RRP12: variants seen among roughly 807,000 people sequenced by gnomAD.
RRP12 encodes ribosomal RNA processing 12 homolog, also known as RRP12-like protein.
A neutral mutation model predicts 157.3 loss-of-function variants in RRP12; 78 were observed. The ratio of observed to expected loss-of-function variants is 0.50; its 90% confidence interval spans 0.41 to 0.60. The LOEUF is 0.60. Ranked by LOEUF, RRP12 falls within the 20% of genes least tolerant of loss-of-function variation. The pLI is 0.00. For synonymous variants in RRP12, 726 were observed against 670.9 expected, an observed-to-expected ratio of 1.08 and a Z score of -1.27; for missense variants, 1,521 against 1,679.9, an observed-to-expected ratio of 0.91 and a Z score of 1.65.
rs752574216 is a variant in RRP12, at chr10:97,371,109, C to T, written c.2344-28G>A. Reference sequence around the variant, plus strand: ...GGCAGACAGGAACCGGTGAGGGAGGCCTGGGGCTCACTCCCTGTCCAATGC... The same window carrying T: ...GGCAGACAGGAACCGGTGAGGGAGGTCTGGGGCTCACTCCCTGTCCAATGC... On this transcript the variant is annotated intron_variant, in intron 20 of 33. Transcript: ENST00000370992. 6 of 1,609,272 alleles carry T rather than the reference C, an allele frequency of 3.7e-6. No individual in the cohort carries two copies. The Admixed American group carries it at 1.0e-4, about 27-fold the overall frequency.
intron 29 of RRP12, among the ~76,000 whole-genome samples, 155 bp from the exon 30 acceptor site, chr10:97,364,058 G>T (rs1227505631): frequency 6.6e-6 from 1 of 152,168 alleles, no homozygotes; most frequent in Non-Finnish European, 1.5e-5. Flanking sequence ...TCTGCTAGAA[G>T]AGATGAGACC....
chr10:97,399,392 G>A (rs2133107014), intron 2 of RRP12, among the ~76,000 whole-genome samples: 1 of 152,184 alleles, frequency 6.6e-6, no homozygotes, highest in Non-Finnish European at 1.5e-5. Flanking sequence ...GACAGAGCTG[G>A]TCCAGGAAGA....
chr10:97,401,145 G>A lies in RRP12; in HGVS notation c.87C>T (p.Ala29=). The A allele has an allele frequency of 6.2e-7, 1 of 1,614,082 alleles. No individual in the cohort carries two copies. The highest frequency in any genetic ancestry group is 8.5e-7 in the Non-Finnish European group (1 of 1,180,018). The change falls in exon 1 of 34, where the codon GCC becomes GCT. Residue 29 remains alanine, a synonymous_variant. Transcript: ENST00000370992. ...KKGHSSDSNP[A]ICRHRQAARS... ...GGGCGGCCTGACGGTGGCGGCAGAT[G>A]GCGGGGTTGCTGTCGCTGCTGTGGC... is the stretch of plus-strand genomic sequence containing the variant.
chr10:97,396,437 T>C (rs1844967687), intron 2 of RRP12, 136 bp from the exon 3 acceptor site: 1 of 695,922 alleles, frequency 1.4e-6, no homozygotes. Context: ...ATTCAGGGCC[T>C]AGGTCCATAC....
chr10:97,391,495 C>T (rs1187055573), intron 4 of RRP12, among the ~76,000 whole-genome samples: 3 of 152,086 alleles, frequency 2.0e-5, no homozygotes, highest in Non-Finnish European at 4.4e-5. Flanking sequence ...CACTTGAACC[C>T]GGGAGGTGGA....
intron 29 of RRP12, among the ~76,000 whole-genome samples, chr10:97,365,299 A>G (rs1589412622): frequency 1.5e-5 from 2 of 133,088 alleles, no homozygotes; most frequent in African/African-American, 2.8e-5. Context: ...TTTGAGACAG[A>G]GTTTCGCTCT....
rs1296325887 is a variant in RRP12, at chr10:97,376,204, TTTAC to T, written c.1799-2314_1799-2311del. Reference sequence around the variant, plus strand: ...TTCTGGGTGGGAAGACTGAATGACTTTTACTTTCTTTTTTTTTTTTTTTTTTTTG... The same window carrying T: ...TTCTGGGTGGGAAGACTGAATGACTTTTTCTTTTTTTTTTTTTTTTTTTTG... On this transcript the variant is annotated intron_variant, in intron 15 of 33. Coordinates refer to ENST00000370992, the MANE Select transcript of RRP12 (RefSeq NM_015179.4). Among the ~76,000 whole-genome samples, 7 of 143,022 alleles carry T rather than the reference TTTAC, an allele frequency of 4.9e-5. No individual in the cohort carries two copies. The East Asian group carries it at 1.4e-3, about 29-fold the overall frequency. 93.8% of individuals were successfully genotyped at this position (143,022 alleles called of 152,430 possible). A position where few individuals can be genotyped will look rare whatever the true frequency, so the allele number is the denominator to read the frequency against.
At chr10:97,366,275 C>T in intron 28 of RRP12, 42 bp from the exon 29 acceptor site, 2 of 1,605,182 alleles carry the variant, frequency 1.2e-6, no homozygotes, top group Non-Finnish European at 8.5e-7. Flanking sequence ...AAGGCCAGTC[C>T]CATGCTACTC....
intron 10 of RRP12, among the ~76,000 whole-genome samples, chr10:97,382,825 G>A (rs6584124): frequency 0.074 from 11,250 of 151,174 alleles, 1,278 homozygotes; most frequent in African/African-American, 0.25. Context: ...ACAGTGGTGC[G>A]ATCTCAGTTT....
intron 8 of RRP12, among the ~76,000 whole-genome samples, chr10:97,386,914 C>T (rs1055620340): frequency 1.3e-5 from 2 of 151,946 alleles, no homozygotes; most frequent in African/African-American, 2.4e-5. Flanking sequence ...GGCGTGAACC[C>T]GGAAGGCGGA....
intron 10 of RRP12, among the ~76,000 whole-genome samples, chr10:97,384,808 G>C (rs1017587321): frequency 1.4e-5 from 2 of 148,146 alleles, no homozygotes; most frequent in African/African-American, 5.0e-5. Context: ...CAGAGGCTCT[G>C]AGAACTCTGC....
intron 10 of RRP12, among the ~76,000 whole-genome samples, chr10:97,384,609 G>C (rs1164321974): frequency 6.6e-6 from 1 of 151,560 alleles, no homozygotes; most frequent in Non-Finnish European, 1.5e-5. Context: ...TCGGCAGCCA[G>C]GACGGAGACC....
chr10:97,367,533 C>A (rs576256963), intron 25 of RRP12, among the ~76,000 whole-genome samples: 2 of 152,194 alleles, frequency 1.3e-5, no homozygotes, highest in Non-Finnish European at 2.9e-5. Flanking sequence ...TCAGCCCAGA[C>A]TCATCTAATG....
chr10:97,388,222 C>G (rs1844692487), intron 8 of RRP12, 30 bp downstream of exon 8: 3 of 1,612,912 alleles, frequency 1.9e-6, no homozygotes, highest in South Asian at 1.1e-5. Flanking sequence ...TGCAGGTCCC[C>G]CTTTCTCCAG....
At chr10:97,379,598 T>C (rs1310328295) in intron 14 of RRP12, 30 bp downstream of exon 14, 1 of 1,611,630 alleles carries the variant, frequency 6.2e-7, no homozygotes, top group Admixed American at 1.7e-5. Flanking sequence ...GCCTGGGGCT[T>C]GTCAGGAAGC....
At chr10:97,370,595 G>A in intron 22 of RRP12, 35 bp from the exon 23 acceptor site, 5 of 1,594,220 alleles carry the variant, frequency 3.1e-6, no homozygotes, top group Non-Finnish European at 3.4e-6. Flanking sequence ...TCTGCTCCCT[G>A]AGCCATCTGC....
chr10:97,362,290 G>A (rs1339994494), intron 30 of RRP12, among the ~76,000 whole-genome samples: 21 of 152,246 alleles, frequency 1.4e-4, no homozygotes, highest in South Asian at 2.1e-4. Context: ...AGCCGTGGTC[G>A]GTTCTCCCCG....
At chr10:97,386,344 T>C (rs948292772) in intron 8 of RRP12, among the ~76,000 whole-genome samples, 1 of 150,500 alleles carries the variant, frequency 6.6e-6, no homozygotes, top group African/African-American at 2.4e-5. Context: ...TGCATGCCAC[T>C]GTGCCTGGCC....
In RRP12 at chr10:97,374,664, C is replaced by T. The variant is rs190106723; in HGVS notation, c.1799-770G>A. Among the ~76,000 whole-genome samples, 349 of 148,804 alleles carry T rather than the reference C, an allele frequency of 2.3e-3. 3 individuals are homozygous for T. In the South Asian group the frequency reaches 0.029, roughly 12 times the overall value. ...GCAGGCACCTGTAGTCCCAGCTACT[C>T]GGGAGGCTGAGGCAGGAGAATGGAG... On this transcript the variant is annotated intron_variant, in intron 15 of 33. Transcript: ENST00000370992.
Sources: gnomAD v4.1 joint callset for allele counts (sites outside exome capture counted in the v4.1 genomes callset) on GRCh38, gnomAD v4.1.1 for gene constraint, MANE v1.5 for transcripts, NCBI Gene and HGNC (gene_info 2026-07-23, HGNC 2026-07-21) for gene names.